CACNA1C: variants seen among roughly 807,000 people sequenced by gnomAD.
CACNA1C encodes calcium voltage-gated channel subunit alpha1 C.
CACNA1C carries 30 observed loss-of-function variants against 229.0 expected under a neutral mutation model. That is an observed-to-expected ratio of 0.13 (90% CI 0.10 to 0.18). CACNA1C has a LOEUF of 0.18. Among genes scored for constraint, CACNA1C ranks in the 10% least tolerant of loss-of-function variants. The pLI is 1.00. For missense variants in CACNA1C, 1,658 were observed against 2,845.0 expected (o/e 0.58, Z 9.49); for synonymous variants, 1,114 against 1,132.5 (o/e 0.98, Z 0.33).
rs2283277 is a variant in CACNA1C, at chr12:2,084,670, G to A, written c.50-30554G>A. Among the ~76,000 whole-genome samples the A allele has an allele frequency of 0.013, 2,011 of 152,222 alleles. 107 individuals are homozygous for A. The East Asian group carries it at 0.18, about 13-fold the overall frequency. ...TTGGATGGAGTGCTCAGCCTGCTAT[G>A]TCCCTGATTCAGAGCTCTGAATGCA... is the stretch of plus-strand genomic sequence containing the variant. On this transcript the variant is annotated intron_variant, in intron 1 of 46. Transcript: ENST00000399655.
intron 3 of CACNA1C, among the ~76,000 whole-genome samples, chr12:2,351,453 G>C (rs2097199865): frequency 6.6e-6 from 1 of 152,146 alleles, no homozygotes; most frequent in Admixed American, 6.5e-5. Flanking sequence ...GGTCCCCAAG[G>C]CCACTTCCTG....
At chr12:2,382,009 C>A (rs1244634718) in intron 3 of CACNA1C, among the ~76,000 whole-genome samples, 1 of 152,214 alleles carries the variant, frequency 6.6e-6, no homozygotes, top group Non-Finnish European at 1.5e-5. Flanking sequence ...GCAGACCCAT[C>A]CCTCTCTGTG....
chr12:2,348,385 G>A lies in CACNA1C; in HGVS notation c.478-100591G>A, dbSNP rs1369207343. On this transcript the variant is annotated intron_variant, in intron 3 of 46. Coordinates refer to ENST00000399655, the MANE Select transcript of CACNA1C (RefSeq NM_000719.7). This position sits in a 1 kb window ranked among gnomAD's most constrained non-coding sequence, Gnocchi z 4.7. ...AGCTCCCGGCCCACGACTGAGTCAC[G>A]CGGCTTCTTAGCAACTTAGTCAATC... Among the ~76,000 whole-genome samples the A allele has an allele frequency of 5.9e-5, 9 of 152,176 alleles. No homozygotes were observed. The highest frequency in any genetic ancestry group is 1.3e-4 in the Non-Finnish European group (9 of 68,030).
At chr12:2,622,535 C>T (rs983772934) in intron 29 of CACNA1C, among the ~76,000 whole-genome samples, 3 of 152,154 alleles carry the variant, frequency 2.0e-5, no homozygotes, top group Admixed American at 6.5e-5. Context: ...GACATGTTTG[C>T]GACAGAACCA....
rs74053454 is a variant in CACNA1C at position 2,487,163 on chromosome 12, C to G, written c.916+901C>G. Among the ~76,000 whole-genome samples the G allele has an allele frequency of 2.0e-5, 3 of 152,036 alleles. 1 individual carries two copies. Among genetic ancestry groups the G allele is most frequent in the African/African-American group, 7.2e-5 (3 of 41,446 alleles). ...CTTGTTGAAAAAATAACACCCACCC[C>G]AAAGGGGCTAGCTGTGTTAAATATA... On this transcript the variant is annotated intron_variant, in intron 6 of 46. Coordinates refer to ENST00000399655, the MANE Select transcript of CACNA1C (RefSeq NM_000719.7).
chr12:2,077,670 G>A (rs1031273539), intron 1 of CACNA1C, among the ~76,000 whole-genome samples: 3 of 152,208 alleles, frequency 2.0e-5, no homozygotes, highest in African/African-American at 4.8e-5. Context: ...GGAGGCAAGA[G>A]TTACGGCCTC....
intron 29 of CACNA1C, among the ~76,000 whole-genome samples, chr12:2,631,689 C>A (rs1169490070): frequency 1.3e-5 from 2 of 152,210 alleles, no homozygotes; most frequent in Admixed American, 6.5e-5. Context: ...GGGAAGCCAA[C>A]AAGAAAGCCC....
At chr12:2,572,605 CCTTCTCCTCTTCCTCCTCCTCCT>C (rs2056231472) in intron 13 of CACNA1C, among the ~76,000 whole-genome samples, 1 of 125,636 alleles carries the variant, frequency 8.0e-6, no homozygotes, top group African/African-American at 3.0e-5. Flanking sequence ...CTCTCCTCCT[CCTTCTCCTCTTCCTCCTCCTCCT>C]CTCCTCCTCC....
chr12:2,651,628 G>A lies in CACNA1C; in HGVS notation c.3946-12G>A, dbSNP rs41276706. On this transcript the variant is annotated splice_polypyrimidine_tract_variant and intron_variant, in intron 31 of 46. Transcript: ENST00000399655. This position sits in a 1 kb window ranked among gnomAD's most constrained non-coding sequence, Gnocchi z 5.4. The stretch of plus-strand genomic sequence containing the variant: ...TGTGCTAACTGCACCTCCTGTTGCC[G>A]ACGGGTTCCAGAACGCAGAGGAAAA... 3.1e-4 allele frequency: 493 copies of A among 1,613,770 alleles called. 2 individuals carry two copies. The highest frequency in any genetic ancestry group is 7.7e-4 in the South Asian group (70 of 91,072).
chr12:2,097,046 C>A (rs2074310605), intron 1 of CACNA1C, among the ~76,000 whole-genome samples: 1 of 152,174 alleles, frequency 6.6e-6, no homozygotes, highest in Non-Finnish European at 1.5e-5. Context: ...CATGGGTGTA[C>A]AAGTATCTGT....
intron 3 of CACNA1C, among the ~76,000 whole-genome samples, chr12:2,349,637 T>C (rs1007343679): frequency 2.0e-5 from 3 of 152,078 alleles, no homozygotes; most frequent in Non-Finnish European, 2.9e-5. Context: ...AGGAGGAAGG[T>C]ACTGCAGAGG....
intron 3 of CACNA1C, among the ~76,000 whole-genome samples, chr12:2,178,129 G>A (rs1490591457): frequency 6.6e-6 from 1 of 152,236 alleles, no homozygotes; most frequent in Non-Finnish European, 1.5e-5. Flanking sequence ...AGGGATATCA[G>A]GACTTAGGAA....
At chr12:2,567,283 A>G (rs1409589913) in intron 12 of CACNA1C, among the ~76,000 whole-genome samples, 1 of 152,186 alleles carries the variant, frequency 6.6e-6, no homozygotes, top group Non-Finnish European at 1.5e-5. Flanking sequence ...GAAAATGGGC[A>G]TGACGATGGT....
intron 3 of CACNA1C, among the ~76,000 whole-genome samples, chr12:2,120,994 G>A (rs2086442741): frequency 6.6e-6 from 1 of 152,116 alleles, no homozygotes; most frequent in Non-Finnish European, 1.5e-5. Flanking sequence ...TGGCAATTTG[G>A]GGTTAGAATT....
At chr12:2,249,834 G>A (rs1168853659) in intron 3 of CACNA1C, among the ~76,000 whole-genome samples, 5 of 148,964 alleles carry the variant, frequency 3.4e-5, no homozygotes, top group Non-Finnish European at 5.9e-5. Context: ...GCAGTGGCGC[G>A]ATCCTGGCTC....
chr12:2,446,981 G>C (rs1215105967), intron 3 of CACNA1C, among the ~76,000 whole-genome samples: 1 of 152,112 alleles, frequency 6.6e-6, no homozygotes, highest in African/African-American at 2.4e-5. Context: ...TCCCTTTCCT[G>C]TGCTTTCTTT....
At chr12:2,396,694 A>T (rs1403752264) in intron 3 of CACNA1C, among the ~76,000 whole-genome samples, 1 of 152,252 alleles carries the variant, frequency 6.6e-6, no homozygotes, top group East Asian at 1.9e-4. Flanking sequence ...CTATGGCCAC[A>T]CAGCAGGCGC....
intron 3 of CACNA1C, among the ~76,000 whole-genome samples, chr12:2,293,630 A>G (rs1336655584): frequency 6.6e-6 from 1 of 152,188 alleles, no homozygotes; most frequent in African/African-American, 2.4e-5. Flanking sequence ...GCCCAAGACA[A>G]TTCTTCTCCT....
At chr12:1,991,212 A>G (rs1397705083) in intron 1 of CACNA1C, 5 of 456,050 alleles carry the variant, frequency 1.1e-5, no homozygotes, top group Non-Finnish European at 2.2e-5. Flanking sequence ...GTTTTTACAC[A>G]GTCTGCCTCC....
Sources: allele counts gnomAD v4.1 joint callset (sites outside exome capture counted in the v4.1 genomes callset), GRCh38; gene constraint gnomAD v4.1.1; non-coding constraint Gnocchi (gnomAD v3.1); transcripts MANE v1.5; gene names NCBI Gene and HGNC (gene_info 2026-07-23, HGNC 2026-07-21).